Variants in ITPR1 observed in about 807,000 individuals in gnomAD.
ITPR1 encodes the protein inositol 1,4,5-trisphosphate receptor type 1.
Under a neutral mutation model 318.4 loss-of-function variants are expected in ITPR1, and 96 were observed. That is an observed-to-expected ratio of 0.30 (90% CI 0.26 to 0.36). The LOEUF is 0.36. Among genes scored for constraint, ITPR1 ranks in the 10% least tolerant of loss-of-function variants. The pLI, the probability that ITPR1 is intolerant of heterozygous loss-of-function variation, is 1.00. For synonymous variants in ITPR1, 1,312 were observed against 1,289.9 expected, an observed-to-expected ratio of 1.02 and a Z score of -0.37; for missense variants, 2,440 against 3,460.2, an observed-to-expected ratio of 0.71 and a Z score of 7.40.
chr3:4,830,481 G>A (rs186735532), intron 60 of ITPR1, among the ~76,000 whole-genome samples: 1 of 151,900 alleles, frequency 6.6e-6, no homozygotes, highest in South Asian at 2.1e-4. Context: ...TCATAAAAGG[G>A]ACAAATGATT....
intron 6 of ITPR1, among the ~76,000 whole-genome samples, chr3:4,639,925 A>G (rs953509647): frequency 6.6e-6 from 1 of 152,182 alleles, no homozygotes; most frequent in Admixed American, 6.5e-5. Flanking sequence ...ATTTTGATAC[A>G]TTTTATACTT....
At chr3:4,553,424 G>C (rs1018462738) in intron 4 of ITPR1, among the ~76,000 whole-genome samples, 6 of 151,956 alleles carry the variant, frequency 3.9e-5, no homozygotes, top group Non-Finnish European at 8.8e-5. Flanking sequence ...GTTTGTTCTT[G>C]CTATTGTTAT....
chr3:4,671,404 T>G (rs2094078332), intron 20 of ITPR1: 1 of 153,210 alleles, frequency 6.5e-6, no homozygotes, highest in Admixed American at 6.5e-5. Flanking sequence ...TCCATGTATC[T>G]TTCTATAACT....
intron 37 of ITPR1, among the ~76,000 whole-genome samples, chr3:4,708,966 C>A (rs2094815252): frequency 6.6e-6 from 1 of 152,144 alleles, no homozygotes; most frequent in East Asian, 1.9e-4. Context: ...TTTGACAGTA[C>A]AATGCAAATC....
At chr3:4,610,914 T>TCCTTCCCTTC (rs142566502) in intron 4 of ITPR1, among the ~76,000 whole-genome samples, 5,725 of 74,392 alleles carry the variant, frequency 0.077, 456 homozygotes, top group Middle Eastern at 0.09. Context: ...CTTCTCCTTC[T>TCCTTCCCTTC]CCTTCCCTTC....
chr3:4,647,454 TATGGTATGGTATGGC>T (rs966977632), intron 10 of ITPR1, among the ~76,000 whole-genome samples: 18 of 152,304 alleles, frequency 1.2e-4, no homozygotes, highest in East Asian at 3.9e-4. Context: ...GTAGCCATGG[TATGGTATGGTATGGC>T]ATGGTATGGT....
At chr3:4,612,281 C>G (rs1290834202) in intron 4 of ITPR1, among the ~76,000 whole-genome samples, 1 of 151,870 alleles carries the variant, frequency 6.6e-6, no homozygotes, top group Non-Finnish European at 1.5e-5. Context: ...AGGCTGGTCT[C>G]GAGCTCCTGA....
chr3:4,703,228 T>G (rs904852072), intron 36 of ITPR1, among the ~76,000 whole-genome samples: 1 of 152,204 alleles, frequency 6.6e-6, no homozygotes, highest in African/African-American at 2.4e-5. Flanking sequence ...CAAGTAACGA[T>G]ACACACAGCT....
At chr3:4,716,100 G>A (rs1269142137) in intron 39 of ITPR1, among the ~76,000 whole-genome samples, 1 of 152,150 alleles carries the variant, frequency 6.6e-6, no homozygotes, top group Non-Finnish European at 1.5e-5. Flanking sequence ...TTTTGGTCCT[G>A]TGTATTCAAA....
At chr3:4,615,922 G>A (rs535477429) in intron 4 of ITPR1, among the ~76,000 whole-genome samples, 1 of 152,260 alleles carries the variant, frequency 6.6e-6, no homozygotes, top group East Asian at 1.9e-4. Flanking sequence ...GAAAGCATCT[G>A]GTTGTCTGAA....
At chr3:4,582,839 T>G (rs1037825481) in intron 4 of ITPR1, among the ~76,000 whole-genome samples, 5 of 152,192 alleles carry the variant, frequency 3.3e-5, no homozygotes, top group African/African-American at 9.7e-5. Flanking sequence ...TTCTCCTTCT[T>G]CCAGCTCTGT....
intron 4 of ITPR1, among the ~76,000 whole-genome samples, chr3:4,597,209 T>C (rs554654403): frequency 1.2e-4 from 18 of 152,196 alleles, no homozygotes; most frequent in African/African-American, 2.2e-4. Context: ...CTTTTAAAAA[T>C]AGTGGCAATT....
At chr3:4,527,036 G>A (rs1040494273) in intron 4 of ITPR1, among the ~76,000 whole-genome samples, 1 of 152,214 alleles carries the variant, frequency 6.6e-6, no homozygotes, top group Non-Finnish European at 1.5e-5. Flanking sequence ...ATCTTTCGCT[G>A]TGCAGCACCC....
rs144462747 is a variant in ITPR1, at chr3:4,679,787, G to C, written c.2968-766G>C. Among the ~76,000 whole-genome samples, 884 of 152,284 alleles carry C rather than the reference G, an allele frequency of 5.8e-3. 7 individuals are homozygous for C. Among genetic ancestry groups the C allele is most frequent in the African/African-American group, 0.019 (810 of 41,554 alleles). On this transcript the variant is annotated intron_variant, in intron 24 of 61. Coordinates refer to ENST00000649015, the MANE Select transcript of ITPR1 (RefSeq NM_001378452.1). ...CTGAGTTTGAGGCCCTGGGAAGATA[G>C]CAAATAGGATGTCCAACAGTCTGTA... is the stretch of plus-strand genomic sequence containing the variant.
At chr3:4,723,263 C>G (rs1292431563) in intron 40 of ITPR1, among the ~76,000 whole-genome samples, 2 of 152,176 alleles carry the variant, frequency 1.3e-5, no homozygotes, top group Non-Finnish European at 2.9e-5. Context: ...AGAGCCAGAG[C>G]TAAACCCTGG....
intron 46 of ITPR1, among the ~76,000 whole-genome samples, chr3:4,770,166 C>T (rs1245061996): frequency 2.0e-5 from 3 of 152,162 alleles, no homozygotes; most frequent in Non-Finnish European, 4.4e-5. Context: ...AGGGAAGGCA[C>T]AGCCTTTAAA....
chr3:4,657,370 G>C (rs1479533433), intron 12 of ITPR1, among the ~76,000 whole-genome samples: 4 of 148,726 alleles, frequency 2.7e-5, no homozygotes, highest in Non-Finnish European at 5.9e-5. Context: ...AGCTCCTGCG[G>C]ATGGATGTAC....
At position 4,627,754 on chromosome 3, in the gene ITPR1, C is replaced by T. The variant is rs757740509; in HGVS notation, c.164-9C>T. On this transcript the variant is annotated splice_polypyrimidine_tract_variant and intron_variant, in intron 4 of 61. Coordinates refer to ENST00000649015, the MANE Select transcript of ITPR1 (RefSeq NM_001378452.1). Reference sequence around the variant, plus strand: ...AATGGCAATTTCTGTTTGTTTGCTTCACTTCTAGACTGCCTCTTTAAGCTA... The same window carrying T: ...AATGGCAATTTCTGTTTGTTTGCTTTACTTCTAGACTGCCTCTTTAAGCTA... 1 of 1,580,776 alleles carries T rather than the reference C, an allele frequency of 6.3e-7. No homozygotes were observed. Among genetic ancestry groups the T allele is most frequent in the Admixed American group, 1.7e-5 (1 of 59,920 alleles).
intron 2 of ITPR1, among the ~76,000 whole-genome samples, chr3:4,503,024 G>A (rs182784534): frequency 1.3e-4 from 20 of 152,238 alleles, no homozygotes; most frequent in Admixed American, 1.1e-3. Flanking sequence ...GGTGGAGGTT[G>A]CAGTGAGCTG....
Sources: allele counts gnomAD v4.1 joint callset (sites outside exome capture counted in the v4.1 genomes callset), GRCh38; gene constraint gnomAD v4.1.1; transcripts MANE v1.5; gene names NCBI Gene and HGNC (gene_info 2026-07-23, HGNC 2026-07-21).